Variants in UBE3A observed in about 807,000 individuals in gnomAD.
The protein encoded by UBE3A is ubiquitin-protein ligase E3A.
A neutral mutation model predicts 83.4 loss-of-function variants in UBE3A; 6 were observed. That is an observed-to-expected ratio of 0.07 (90% CI 0.04 to 0.14). The LOEUF (loss-of-function observed/expected upper bound fraction) is 0.14, where lower values mean the gene tolerates loss of function less well. Ranked by LOEUF, UBE3A falls within the 10% of genes least tolerant of loss-of-function variation. The pLI, the probability that UBE3A is intolerant of heterozygous loss-of-function variation, is 1.00. For synonymous variants in UBE3A, 337 were observed against 355.4 expected (o/e 0.95, Z 0.58); for missense variants, 456 against 1,036.1 (o/e 0.44, Z 7.69).
Position 25,347,444 on chromosome 15 carries a change from G to T in UBE3A, c.2354+6909C>A, listed in dbSNP as rs186324902. ...AGGCCAGGCATGGTGGCTCATGCCT[G>T]TAATTCCAGCACTTTGGGAGGCTGA... On this transcript the variant is annotated intron_variant, in intron 11 of 12. Transcript: ENST00000648336. Among the ~76,000 whole-genome samples, 14 of 152,304 alleles carry T rather than the reference G, an allele frequency of 9.2e-5. No homozygotes were observed. In the East Asian group the frequency reaches 2.7e-3, roughly 29 times the overall value.
At chr15:25,364,689 G>C (rs1175095971) in intron 6 of UBE3A, among the ~76,000 whole-genome samples, 1 of 147,558 alleles carries the variant, frequency 6.8e-6, no homozygotes, top group African/African-American at 2.6e-5. Context: ...TGTCGCCCAG[G>C]CTGGAGTGCA....
intron 1 of UBE3A, among the ~76,000 whole-genome samples, chr15:25,431,033 G>A (rs1315702889): frequency 6.6e-6 from 1 of 152,176 alleles, no homozygotes; most frequent in Non-Finnish European, 1.5e-5. Flanking sequence ...CAGAAATCTT[G>A]ATTTATGTGT....
intron 11 of UBE3A, among the ~76,000 whole-genome samples, chr15:25,350,365 T>C (rs1013586444): frequency 2.0e-5 from 3 of 150,652 alleles, no homozygotes; most frequent in Admixed American, 1.3e-4. Context: ...AACACACACA[T>C]ACATCAAAAA....
At chr15:25,405,689 AGGGT>A in intron 3 of UBE3A, 187 bp from the exon 4 acceptor site, 1 of 626,948 alleles carries the variant, frequency 1.6e-6, no homozygotes, top group Non-Finnish European at 2.8e-6. Context: ...ATTTATTTTA[AGGGT>A]TGGACTATTA....
At position 25,370,860 on chromosome 15, in the gene UBE3A, T is replaced by C; in HGVS notation, c.1314A>G (p.Lys438=). 3.1e-6 allele frequency: 5 copies of C among 1,614,046 alleles called. No individual in the cohort carries two copies. The highest frequency in any genetic ancestry group is 4.2e-6 in the Non-Finnish European group (5 of 1,179,990). ...ELGVKTLDCR[K]PLIPFEEFIN... The stretch of plus-strand genomic sequence containing the variant: ...TAAACTCTTCAAAAGGGATAAGTGG[T>C]TTTCGACAATCCAGGGTTTTAACAC... The change falls in exon 6 of 13, where the codon AAA becomes AAG. Residue 438 remains lysine, a synonymous_variant. Transcript: ENST00000648336. This position sits in a 1 kb window ranked among gnomAD's most constrained non-coding sequence, Gnocchi z 4.2.
intron 4 of UBE3A, among the ~76,000 whole-genome samples, chr15:25,394,554 A>G (rs1047770008): frequency 2.5e-4 from 38 of 152,326 alleles, no homozygotes; most frequent in African/African-American, 8.9e-4. Context: ...ATAGGAAATA[A>G]AAGCATCCAA....
intron 1 of UBE3A, among the ~76,000 whole-genome samples, chr15:25,435,297 AAGAC>A (rs1894736584): frequency 6.6e-6 from 1 of 152,174 alleles, no homozygotes; most frequent in African/African-American, 2.4e-5. Context: ...GCATTCAAAA[AAGAC>A]AGACATCTTT....
At chr15:25,423,477 C>G (rs1173769825) in intron 1 of UBE3A, among the ~76,000 whole-genome samples, 1 of 152,076 alleles carries the variant, frequency 6.6e-6, no homozygotes, top group Non-Finnish European at 1.5e-5. Context: ...ATTGCAAAAG[C>G]AAATATTGAA....
chr15:25,414,773 CTTTT>C (rs1217262823), intron 1 of UBE3A, among the ~76,000 whole-genome samples: 1 of 152,168 alleles, frequency 6.6e-6, no homozygotes. Context: ...ATTCCCCAGT[CTTTT>C]TTGATTGCTT....
intron 4 of UBE3A, 52 bp downstream of exon 4, chr15:25,405,409 A>G: frequency 6.4e-7 from 1 of 1,567,400 alleles, no homozygotes. Flanking sequence ...AATTTAAAGC[A>G]GTCTAGGGCA....
At chr15:25,431,363 T>C (rs1417802084) in intron 1 of UBE3A, among the ~76,000 whole-genome samples, 2 of 152,100 alleles carry the variant, frequency 1.3e-5, no homozygotes, top group South Asian at 2.1e-4. Flanking sequence ...CTTTTCTTTT[T>C]TGAGATGAAA....
At chr15:25,345,976 A>G (rs995836511) in intron 11 of UBE3A, 1 of 152,296 alleles carries the variant, frequency 6.6e-6, no homozygotes, top group African/African-American at 2.4e-5. Context: ...AAAAAGAAAC[A>G]AACCCATGCT....
intron 9 of UBE3A, among the ~76,000 whole-genome samples, chr15:25,355,017 T>C (rs532172670): frequency 4.7e-4 from 72 of 152,322 alleles, no homozygotes; most frequent in African/African-American, 1.7e-3. Flanking sequence ...CTGTCATACT[T>C]ATAAATGTCA....
intron 4 of UBE3A, among the ~76,000 whole-genome samples, chr15:25,389,760 C>T (rs2083908110): frequency 6.6e-6 from 1 of 151,930 alleles, no homozygotes; most frequent in Admixed American, 6.6e-5. Context: ...TGGTGGTGCA[C>T]GGGTATAATC....
At chr15:25,366,209 A>T (rs1262729589) in intron 6 of UBE3A, among the ~76,000 whole-genome samples, 1 of 152,230 alleles carries the variant, frequency 6.6e-6, no homozygotes, top group African/African-American at 2.4e-5. Context: ...ATAAATCACA[A>T]GAAAGAACAA....
intron 1 of UBE3A, among the ~76,000 whole-genome samples, chr15:25,428,591 G>T (rs1189823241): frequency 6.6e-6 from 1 of 152,134 alleles, no homozygotes; most frequent in Non-Finnish European, 1.5e-5. Context: ...ACGATAGTGT[G>T]CCTTTCCTTT....
chr15:25,398,191 A>C (rs1013441978), intron 4 of UBE3A, among the ~76,000 whole-genome samples: 10 of 120,838 alleles, frequency 8.3e-5, no homozygotes, highest in East Asian at 4.5e-4. Flanking sequence ...AAAAAAAAAA[A>C]CACAAAAAAC....
chr15:25,433,575 CAAAA>C (rs1053921392), intron 1 of UBE3A, among the ~76,000 whole-genome samples: 16 of 152,270 alleles, frequency 1.1e-4, no homozygotes, highest in Admixed American at 5.9e-4. Flanking sequence ...TTTCATTTGA[CAAAA>C]GAAGGAACGA....
intron 1 of UBE3A, among the ~76,000 whole-genome samples, chr15:25,417,368 A>G (rs1301748318): frequency 6.6e-6 from 1 of 152,098 alleles, no homozygotes; most frequent in Non-Finnish European, 1.5e-5. Context: ...AAGAAAACAA[A>G]ATCTAGACAC....
Sources: allele counts gnomAD v4.1 joint callset (sites outside exome capture counted in the v4.1 genomes callset), GRCh38; gene constraint gnomAD v4.1.1; non-coding constraint Gnocchi (gnomAD v3.1); transcripts MANE v1.5; gene names NCBI Gene and HGNC (gene_info 2026-07-23, HGNC 2026-07-21).